The following NPFFR2 variants were observed in gnomAD, a reference collection of about 807,000 sequenced individuals.
NPFFR2 encodes the protein G-protein coupled receptor 74.
Under a neutral mutation model 13.1 loss-of-function variants are expected in NPFFR2, and 15 were observed. That is an observed-to-expected ratio of 1.15 (90% CI 0.77 to 1.76). The LOEUF (loss-of-function observed/expected upper bound fraction) is 1.76, where lower values mean the gene tolerates loss of function less well. Among genes scored for constraint, NPFFR2 ranks in the 40% most tolerant of loss-of-function variants. NPFFR2 has a pLI of 0.00. For synonymous variants in NPFFR2, 190 were observed against 175.7 expected, an observed-to-expected ratio of 1.08 and a Z score of -0.65; for missense variants, 572 against 503.5, an observed-to-expected ratio of 1.14 and a Z score of -1.30.
intron 3 of NPFFR2, among the ~76,000 whole-genome samples, chr4:72,143,681 T>G (rs917150650): frequency 9.9e-5 from 15 of 152,220 alleles, no homozygotes; most frequent in African/African-American, 3.4e-4. Flanking sequence ...TAGCAGAGAC[T>G]GTCAGTGCTC....
chr4:72,097,463 G>A (rs975913966), intron 1 of NPFFR2, among the ~76,000 whole-genome samples: 15 of 152,066 alleles, frequency 9.9e-5, no homozygotes, highest in African/African-American at 3.6e-4. Context: ...CAGCTCATAA[G>A]GTAACCAAGC....
intron 2 of NPFFR2, among the ~76,000 whole-genome samples, chr4:72,129,951 G>C (rs1722182141): frequency 9.9e-6 from 1 of 101,092 alleles, no homozygotes; most frequent in South Asian, 3.7e-4. Flanking sequence ...TGACTCTTAA[G>C]GAGCATGCTG....
chr4:72,053,225 A>G (rs1035583700), intron 1 of NPFFR2, among the ~76,000 whole-genome samples: 1 of 151,862 alleles, frequency 6.6e-6, no homozygotes, highest in Non-Finnish European at 1.5e-5. Context: ...AATAGAAAAC[A>G]ATAATAATGA....
intron 1 of NPFFR2, among the ~76,000 whole-genome samples, chr4:72,113,458 T>C (rs1428681459): frequency 6.6e-6 from 1 of 152,070 alleles, no homozygotes; most frequent in African/African-American, 2.4e-5. Context: ...TCCTCCACAT[T>C]CCATTGCATC....
chr4:72,101,357 A>G (rs1030944764), intron 1 of NPFFR2, among the ~76,000 whole-genome samples: 4 of 151,984 alleles, frequency 2.6e-5, no homozygotes, highest in African/African-American at 4.8e-5. Context: ...AACGATCAGA[A>G]TAGACTAGAA....
chr4:72,048,282 C>A (rs963838143), intron 1 of NPFFR2, among the ~76,000 whole-genome samples: 1 of 151,954 alleles, frequency 6.6e-6, no homozygotes, highest in Non-Finnish European at 1.5e-5. Context: ...GGCAACTTAC[C>A]CAAGAGAAGA....
intron 1 of NPFFR2, among the ~76,000 whole-genome samples, chr4:72,042,008 A>G (rs182233932): frequency 2.0e-5 from 3 of 152,034 alleles, no homozygotes; most frequent in African/African-American, 7.2e-5. Context: ...TCACTTGTCA[A>G]TTTTTGTTTT....
At chr4:72,142,901 G>A (rs541169426) in intron 3 of NPFFR2, among the ~76,000 whole-genome samples, 12 of 152,240 alleles carry the variant, frequency 7.9e-5, no homozygotes, top group East Asian at 5.8e-4. Flanking sequence ...ACAATCTGGC[G>A]GAGCAGGCAA....
intron 1 of NPFFR2, among the ~76,000 whole-genome samples, chr4:72,080,152 TG>T (rs370074861): frequency 0.85 from 126,261 of 148,442 alleles, 55,487 homozygotes; most frequent in Non-Finnish European, 0.98. Flanking sequence ...TTGTTGTTGT[TG>T]TTGTTTTTTT....
At chr4:72,128,448 T>C in intron 1 of NPFFR2, 137 bp from the exon 2 acceptor site, 1 of 563,604 alleles carries the variant, frequency 1.8e-6, no homozygotes, top group Non-Finnish European at 3.1e-6. Flanking sequence ...CAGTTTTATG[T>C]AAAACTTATA....
intron 1 of NPFFR2, among the ~76,000 whole-genome samples, chr4:72,046,510 C>T (rs925566990): frequency 3.3e-5 from 5 of 152,160 alleles, no homozygotes; most frequent in African/African-American, 9.7e-5. Context: ...TCCCATTATC[C>T]AGACCCATGA....
chr4:72,055,300 G>A (rs62321513), intron 1 of NPFFR2, among the ~76,000 whole-genome samples: 135,128 of 151,614 alleles, frequency 0.89, 61,318 homozygotes, highest in Non-Finnish European at 0.98. Context: ...TAATTCTTGT[G>A]ATAATAAAAA....
chr4:72,127,360 CTTTTTTTTTTT>C (rs1186710740), intron 1 of NPFFR2, among the ~76,000 whole-genome samples: 4 of 66,912 alleles, frequency 6.0e-5, no homozygotes, highest in African/African-American at 2.4e-4. Flanking sequence ...AATTTCTTTT[CTTTTTTTTTTT>C]TTTTTTTTTT....
chr4:72,117,433 A>C (rs912550573), intron 1 of NPFFR2, among the ~76,000 whole-genome samples: 2 of 152,188 alleles, frequency 1.3e-5, no homozygotes, highest in Non-Finnish European at 2.9e-5. Context: ...GCCAGTTCTC[A>C]TGGTGTAAAT....
chr4:72,143,594 C>T (rs775423955), intron 3 of NPFFR2, among the ~76,000 whole-genome samples: 1 of 152,122 alleles, frequency 6.6e-6, no homozygotes. Flanking sequence ...TTTATAGGCG[C>T]ATCCAGAAAT....
At chr4:72,063,397 A>G (rs974699149) in intron 1 of NPFFR2, among the ~76,000 whole-genome samples, 4 of 152,232 alleles carry the variant, frequency 2.6e-5, no homozygotes, top group African/African-American at 9.6e-5. Context: ...GGTAATTTGA[A>G]TAAATAAATG....
In NPFFR2 at chr4:72,047,268, G is replaced by T. The variant is rs76072524; in HGVS notation, c.-8+15068G>T. 0.024 allele frequency among the ~76,000 whole-genome samples: 3,597 copies of T among 152,190 alleles called. 286 individuals are homozygous for T. In the East Asian group the frequency reaches 0.31, roughly 13 times the overall value. ...AGATTAATATGGATAAAAGCCAGGT[G>T]CTATATATCAAGACCATGGAAGAAA... On this transcript the variant is annotated intron_variant, in intron 1 of 3. Coordinates refer to ENST00000308744, the MANE Select transcript of NPFFR2 (RefSeq NM_004885.3).
intron 1 of NPFFR2, among the ~76,000 whole-genome samples, chr4:72,113,989 G>A (rs1033945743): frequency 6.6e-6 from 1 of 152,024 alleles, no homozygotes; most frequent in Non-Finnish European, 1.5e-5. Flanking sequence ...CTTTACCAGG[G>A]ACATTCTGTT....
intron 2 of NPFFR2, among the ~76,000 whole-genome samples, chr4:72,134,240 G>A (rs1722340672): frequency 6.6e-6 from 1 of 152,046 alleles, no homozygotes; most frequent in Admixed American, 6.6e-5. Context: ...CTCCAGCCTG[G>A]GTGACAGAGA....
Sources: gnomAD v4.1 joint callset for allele counts (sites outside exome capture counted in the v4.1 genomes callset) on GRCh38, gnomAD v4.1.1 for gene constraint, MANE v1.5 for transcripts, NCBI Gene and HGNC (gene_info 2026-07-23, HGNC 2026-07-21) for gene names.